Variants in PLXNA4 observed in about 807,000 individuals in gnomAD.
PLXNA4 encodes plexin-A4.
PLXNA4 carries 44 observed loss-of-function variants against 191.8 expected under a neutral mutation model. The observed-to-expected ratio is 0.23, with a 90% CI of 0.18 to 0.29. The LOEUF (loss-of-function observed/expected upper bound fraction) is 0.29. Ranked by LOEUF, PLXNA4 falls within the 10% of genes least tolerant of loss-of-function variation. The pLI, the probability that PLXNA4 is intolerant of heterozygous loss-of-function variation, is 1.00. For missense variants in PLXNA4, 1,800 were observed against 2,488.8 expected (o/e 0.72, Z 5.89); for synonymous variants, 1,082 against 1,009.5 (o/e 1.07, Z -1.36).
intron 3 of PLXNA4, among the ~76,000 whole-genome samples, chr7:132,417,924 C>T (rs1474109600): frequency 6.6e-6 from 1 of 152,208 alleles, no homozygotes; most frequent in African/African-American, 2.4e-5. Flanking sequence ...CTGCAACCAC[C>T]TGGTCCTCTA....
intron 2 of PLXNA4, among the ~76,000 whole-genome samples, chr7:132,593,435 T>A (rs1450450597): frequency 6.6e-6 from 1 of 152,180 alleles, no homozygotes; most frequent in African/African-American, 2.4e-5. Context: ...ACCCTGGGTG[T>A]GTCCATCATG....
At chr7:132,628,351 GCT>G (rs373888868) in intron 2 of PLXNA4, among the ~76,000 whole-genome samples, 17 of 147,100 alleles carry the variant, frequency 1.2e-4, no homozygotes, top group East Asian at 2.0e-4. Flanking sequence ...TCTCTCTCTC[GCT>G]CTCTCTCTCT....
chr7:132,228,304 C>T (rs1356724184), intron 6 of PLXNA4, 42 bp downstream of exon 6: 2 of 1,610,936 alleles, frequency 1.2e-6, no homozygotes, highest in East Asian at 2.2e-5. Context: ...GGAGAGTTTT[C>T]CTTGCATCCC....
chr7:132,160,716 G>A (rs966891444), intron 24 of PLXNA4, among the ~76,000 whole-genome samples: 2 of 152,044 alleles, frequency 1.3e-5, no homozygotes, highest in African/African-American at 4.8e-5. Context: ...TCTCCTTCTC[G>A]GAACTTTCAC....
chr7:132,290,572 C>T (rs1294340668), intron 4 of PLXNA4, among the ~76,000 whole-genome samples: 1 of 152,154 alleles, frequency 6.6e-6, no homozygotes, highest in Non-Finnish European at 1.5e-5. Context: ...AGTAAATACA[C>T]ACCACACTCA....
intron 2 of PLXNA4, among the ~76,000 whole-genome samples, chr7:132,606,167 T>C (rs1385315572): frequency 6.6e-6 from 1 of 151,876 alleles, no homozygotes; most frequent in African/African-American, 2.4e-5. Context: ...CTGTCTCAAA[T>C]AAAAGAAAAG....
rs560436235 is a variant in PLXNA4, at chr7:132,519,550, T to C, written c.-86-10771A>G. 2.0e-5 allele frequency among the ~76,000 whole-genome samples: 3 copies of C among 152,310 alleles called. No homozygotes were observed. The East Asian group carries it at 5.8e-4, about 29-fold the overall frequency. On this transcript the variant is annotated intron_variant, in intron 1 of 31. Transcript: ENST00000321063. ...GCATGTGGCCTGAGGCTTGTCCAGC[T>C]GACATTTTCACCAGGAGAGGAGGCT...
At chr7:132,272,678 T>A (rs1382758879) in intron 4 of PLXNA4, among the ~76,000 whole-genome samples, 3 of 152,292 alleles carry the variant, frequency 2.0e-5, no homozygotes, top group African/African-American at 4.8e-5. Context: ...CAATCTCTCA[T>A]CTTAACTTAT....
At chr7:132,135,933 A>G (rs1795098893) in intron 30 of PLXNA4, among the ~76,000 whole-genome samples, 1 of 152,102 alleles carries the variant, frequency 6.6e-6, no homozygotes, top group South Asian at 2.1e-4. Context: ...GCATGACCTC[A>G]TCTTCAGCAA....
intron 3 of PLXNA4, among the ~76,000 whole-genome samples, chr7:132,368,449 G>A (rs1490279023): frequency 6.6e-6 from 1 of 152,136 alleles, no homozygotes; most frequent in Non-Finnish European, 1.5e-5. Context: ...GGCATCCAGG[G>A]AAGCAGCTGT....
intron 2 of PLXNA4, among the ~76,000 whole-genome samples, chr7:132,506,415 A>C (rs1478318052): frequency 3.3e-5 from 5 of 152,242 alleles, no homozygotes; most frequent in Non-Finnish European, 7.3e-5. Context: ...ACTTCTGTCC[A>C]ATGGATACAT....
chr7:132,556,777 G>A (rs1275886476), intron 1 of PLXNA4, among the ~76,000 whole-genome samples: 1 of 152,230 alleles, frequency 6.6e-6, no homozygotes, highest in Non-Finnish European at 1.5e-5. Flanking sequence ...TGAAGACTGA[G>A]AGTCACATTT....
At chr7:132,398,414 A>G (rs943249345) in intron 3 of PLXNA4, among the ~76,000 whole-genome samples, 71 of 152,296 alleles carry the variant, frequency 4.7e-4, no homozygotes, top group African/African-American at 1.6e-3. Flanking sequence ...GTGTCGCAAC[A>G]AGGAACCACA....
At chr7:132,476,511 T>G (rs576944355) in intron 3 of PLXNA4, among the ~76,000 whole-genome samples, 48 of 152,318 alleles carry the variant, frequency 3.2e-4, no homozygotes, top group Middle Eastern at 3.4e-3. Flanking sequence ...GTCTCTTGCC[T>G]TTTCCAGAGA....
intron 5 of PLXNA4, among the ~76,000 whole-genome samples, chr7:132,230,284 A>T (rs1798481202): frequency 6.6e-6 from 1 of 152,178 alleles, no homozygotes; most frequent in Non-Finnish European, 1.5e-5. Flanking sequence ...TTCCAGACTG[A>T]GGAGTAAGGG....
At chr7:132,165,471 C>T (rs1796095564) in intron 22 of PLXNA4, among the ~76,000 whole-genome samples, 2 of 152,160 alleles carry the variant, frequency 1.3e-5, no homozygotes, top group South Asian at 2.1e-4. Context: ...CGCCTTAGAG[C>T]ACCGCTGTCC....
chr7:132,450,429 T>A (rs1796076952), intron 3 of PLXNA4, among the ~76,000 whole-genome samples: 1 of 152,216 alleles, frequency 6.6e-6, no homozygotes, highest in African/African-American at 2.4e-5. Flanking sequence ...ACTGGGGTGA[T>A]GTCTTCAGAA....
At chr7:132,420,896 T>G (rs2117142080) in intron 3 of PLXNA4, among the ~76,000 whole-genome samples, 1 of 152,324 alleles carries the variant, frequency 6.6e-6, no homozygotes, top group East Asian at 1.9e-4. Flanking sequence ...GCCTTTCACC[T>G]TCCTTCCACC....
Position 132,635,170 on chromosome 7 carries a change from T to TTATATATATA in PLXNA4, c.-87+10748_-87+10757dup, listed in dbSNP as rs3037811. Reference sequence around the variant, plus strand: ...GAGTTAATACTTAATAAACTCCCCTTTATATATATATATATATATATATAT... The same window carrying TTATATATATA: ...GAGTTAATACTTAATAAACTCCCCTTTATATATATATATATATATATATATATATATATAT... On this transcript the variant is annotated intron_variant, in intron 2 of 4. Transcript: ENST00000378539. 8.6e-4 allele frequency among the ~76,000 whole-genome samples: 113 copies of TTATATATATA among 131,804 alleles called. 1 individual carries two copies. The highest frequency in any genetic ancestry group is 1.7e-3 in the Admixed American group (22 of 13,232). 86.5% of individuals were successfully genotyped at this position (131,804 alleles called of 152,430 possible).
Sources: gnomAD v4.1 joint callset for allele counts (sites outside exome capture counted in the v4.1 genomes callset) on GRCh38, gnomAD v4.1.1 for gene constraint, MANE v1.5 for transcripts, NCBI Gene and HGNC (gene_info 2026-07-23, HGNC 2026-07-21) for gene names.